The following INTU variants were observed in gnomAD, a reference collection of about 807,000 sequenced individuals.
INTU encodes the protein protein inturned.
In INTU, 68 loss-of-function variants were observed where a neutral mutation model predicts 100.5. The observed-to-expected ratio is 0.68, with a 90% confidence interval of 0.56 to 0.83. The LOEUF is 0.83. Ranked by LOEUF, INTU falls within the 40% of genes least tolerant of loss-of-function variation. INTU has a pLI of 0.00. For synonymous variants in INTU, 357 were observed against 395.7 expected (o/e 0.90, Z 1.16); for missense variants, 1,071 against 1,114.7 (o/e 0.96, Z 0.56).
chr4:127,698,134 G>A (rs1730476492), intron 8 of INTU, among the ~76,000 whole-genome samples: 1 of 151,922 alleles, frequency 6.6e-6, no homozygotes, highest in Admixed American at 6.6e-5. Flanking sequence ...AAGAAATCTA[G>A]TTAAAAACGT....
intron 8 of INTU, among the ~76,000 whole-genome samples, chr4:127,691,534 A>G (rs993798986): frequency 6.6e-6 from 1 of 152,026 alleles, no homozygotes; most frequent in African/African-American, 2.4e-5. Context: ...ATATCTTTTC[A>G]TGTGCTTATT....
chr4:127,640,618 T>G (rs1727290191), intron 1 of INTU, among the ~76,000 whole-genome samples: 1 of 135,238 alleles, frequency 7.4e-6, no homozygotes, highest in East Asian at 2.5e-4. Context: ...CATGTGTATA[T>G]TGATGGTTCC....
In INTU at chr4:127,652,278, C is replaced by G. The variant is rs552531836; in HGVS notation, c.683-4358C>G. ...TATGTTGAATAGGAGTGGTGAGAGA[C>G]GGCATCCCTGTCTTGTGCCAGTTTT... On this transcript the variant is annotated intron_variant, in intron 2 of 15. Coordinates refer to ENST00000335251, the MANE Select transcript of INTU (RefSeq NM_015693.4). Among the ~76,000 whole-genome samples, 787 of 144,934 alleles carry G rather than the reference C, an allele frequency of 5.4e-3. 1 individual carries two copies. Among genetic ancestry groups the G allele is most frequent in the African/African-American group, 0.02 (734 of 35,886 alleles).
Position 127,704,228 on chromosome 4 carries a change from T to C in INTU, c.1504T>C (p.Ser502Pro), listed in dbSNP as rs1311551124. The change falls in exon 10 of 16, where the codon TCC (serine) becomes CCC (proline). Residue 502 changes from serine to proline, a missense_variant and splice_region_variant. Physicochemically the swap from Ser to Pro is moderately conservative, Grantham distance 74. Transcript: ENST00000335251. Reference protein sequence around the residue: ...DLEAADFAELSEDYYDMRRLY... With the variant: ...DLEAADFAELPEDYYDMRRLY... ...AATCCACTATGAATTTTTCCCCCAG[T>C]CCGAGGATTACTATGACATGAGGCG... 2 of 1,606,646 alleles carry C rather than the reference T, an allele frequency of 1.2e-6. No homozygotes were observed. The highest frequency in any genetic ancestry group is 1.7e-6 in the Non-Finnish European group (2 of 1,176,004).
rs1731271332 is a variant in INTU at position 127,716,663 on chromosome 4, ATTG to A, written c.*230_*232del. ...ACTTGATTAAAATGTGAAAGAAGGG[ATTG>A]TTAACTTATTGCTATTTTGGTATAT... On this transcript the variant is annotated 3_prime_UTR_variant, in exon 16 of 16. Transcript: ENST00000335251. 3 of 291,470 alleles carry A rather than the reference ATTG, an allele frequency of 1.0e-5. 1 individual carries two copies. The highest frequency in any genetic ancestry group is 2.0e-3 in the Middle Eastern group (2 of 1,004). 18.1% of individuals were successfully genotyped at this position (291,470 alleles called of 1,614,324 possible).
At chr4:127,715,928 C>CA (rs1028130644) in intron 15 of INTU, among the ~76,000 whole-genome samples, 3 of 151,324 alleles carry the variant, frequency 2.0e-5, no homozygotes, top group Non-Finnish European at 4.4e-5. Flanking sequence ...TTCTATTTGC[C>CA]AAAAAAAGCT....
chr4:127,697,346 ATT>A (rs1730438558), intron 8 of INTU, among the ~76,000 whole-genome samples: 1 of 151,800 alleles, frequency 6.6e-6, no homozygotes, highest in Admixed American at 6.6e-5. Context: ...CCAGGCAATC[ATT>A]TGCATAGTTT....
In INTU at chr4:127,719,440, T is replaced by C. The variant is rs1046081802; in HGVS notation, c.*3004T>C. On this transcript the variant is annotated 3_prime_UTR_variant, in exon 16 of 16. Transcript: ENST00000335251. The stretch of plus-strand genomic sequence containing the variant: ...TTCATCAGGGATATTGGTCTGAAGT[T>C]TTCTTTTTTTGTTGTATCTCTGCCA... 5.9e-5 allele frequency: 9 copies of C among 152,164 alleles called. No individual in the cohort carries two copies. Among genetic ancestry groups the C allele is most frequent in the African/African-American group, 1.9e-4 (8 of 41,428 alleles). The allele number at this position is 152,164 out of a possible 1,614,324, so 9.4% of individuals were successfully genotyped here. A position where few individuals can be genotyped will look rare whatever the true frequency, so the allele number is the denominator to read the frequency against.
At chr4:127,670,301 T>A (rs924554833) in intron 5 of INTU, among the ~76,000 whole-genome samples, 1 of 151,778 alleles carries the variant, frequency 6.6e-6, no homozygotes, top group African/African-American at 2.4e-5. Context: ...AGGCTTTAAC[T>A]TTTTTTCCCC....
chr4:127,657,004 C>T (rs1728260044), intron 3 of INTU, among the ~76,000 whole-genome samples: 1 of 152,092 alleles, frequency 6.6e-6, no homozygotes, highest in Non-Finnish European at 1.5e-5. Context: ...TTATAACTAC[C>T]ATATATGCTT....
chr4:127,641,993 C>A (rs961333182), intron 1 of INTU, among the ~76,000 whole-genome samples: 2 of 151,934 alleles, frequency 1.3e-5, no homozygotes, highest in Admixed American at 1.3e-4. Flanking sequence ...GGCTGATACA[C>A]TTTATTCATT....
intron 5 of INTU, among the ~76,000 whole-genome samples, chr4:127,673,423 G>A (rs1729025176): frequency 1.3e-5 from 2 of 150,040 alleles, no homozygotes; most frequent in Non-Finnish European, 3.0e-5. Context: ...GGGCTCAAGT[G>A]ATCTTCCCAC....
rs531232302 is a variant in INTU, at chr4:127,691,610, G to A, written c.1449+3743G>A. 3.3e-5 allele frequency among the ~76,000 whole-genome samples: 5 copies of A among 151,370 alleles called. No homozygotes were observed. In the South Asian group the frequency reaches 8.4e-4, roughly 25 times the overall value. On this transcript the variant is annotated intron_variant, in intron 8 of 15. Coordinates refer to ENST00000335251, the MANE Select transcript of INTU (RefSeq NM_015693.4). ...CCTTTGGCCCATTTTTTTTTAATTC[G>A]GTAGGTTTTTGGGGAACAGGTGGTG...
rs538839317 is a variant in INTU, at chr4:127,719,780, T to C, written c.*3344T>C. On this transcript the variant is annotated 3_prime_UTR_variant, in exon 16 of 16. Coordinates refer to ENST00000335251, the MANE Select transcript of INTU (RefSeq NM_015693.4). ...CGAGTTTATTTGCACCGAGCTGTTA[T>C]AGTATTGTCTGATGGTTGTTTATAT... 2 of 152,294 alleles carry C rather than the reference T, an allele frequency of 1.3e-5. No individual in the cohort carries two copies. The highest frequency in any genetic ancestry group is 2.1e-4 in the South Asian group (1 of 4,830). The allele number at this position is 152,294 out of a possible 1,614,324, so 9.4% of individuals were successfully genotyped here.
At chr4:127,667,624 T>A (rs1728753629) in intron 4 of INTU, among the ~76,000 whole-genome samples, 1 of 152,070 alleles carries the variant, frequency 6.6e-6, no homozygotes, top group Non-Finnish European at 1.5e-5. Flanking sequence ...TAAAGTAGTG[T>A]ATGGTATTTT....
intron 2 of INTU, among the ~76,000 whole-genome samples, chr4:127,654,884 T>C (rs1728103136): frequency 6.9e-6 from 1 of 144,800 alleles, no homozygotes; most frequent in Admixed American, 7.0e-5. Flanking sequence ...TTTGGTCTTT[T>C]CACATAGTCC....
Position 127,723,309 on chromosome 4 carries a change from TCA to T in INTU, c.*6876_*6877del, listed in dbSNP as rs1731373095. 1.3e-5 allele frequency: 2 copies of T among 151,094 alleles called. No homozygotes were observed. 9.4% of individuals were successfully genotyped at this position (151,094 alleles called of 1,614,324 possible). The stretch of plus-strand genomic sequence containing the variant: ...TCTCAACTGAAGATGCAGAGTTGAC[TCA>T]CAGTTTTCTTCCTTCTTGGTGGGAG... On this transcript the variant is annotated 3_prime_UTR_variant, in exon 16 of 16. Transcript: ENST00000335251.
chr4:127,691,484 T>G (rs1401178733), intron 8 of INTU, among the ~76,000 whole-genome samples: 2 of 152,182 alleles, frequency 1.3e-5, no homozygotes, highest in Non-Finnish European at 2.9e-5. Flanking sequence ...GTCTCATTGT[T>G]ATTTTAATTT....
At chr4:127,690,818 GT>G (rs2126236087) in intron 8 of INTU, among the ~76,000 whole-genome samples, 1 of 152,058 alleles carries the variant, frequency 6.6e-6, no homozygotes, top group Non-Finnish European at 1.5e-5. Context: ...GGGTACAGTT[GT>G]TATAATTGAT....
Sources: gnomAD v4.1 joint callset for allele counts (sites outside exome capture counted in the v4.1 genomes callset) on GRCh38, gnomAD v4.1.1 for gene constraint, MANE v1.5 for transcripts, NCBI Gene and HGNC (gene_info 2026-07-23, HGNC 2026-07-21) for gene names.